NRXN3: variants seen among roughly 807,000 people sequenced by gnomAD.
NRXN3 encodes neurexin III.
In NRXN3, 32 loss-of-function variants were observed where a neutral mutation model predicts 137.6. The observed-to-expected ratio is 0.23, with a 90% CI of 0.18 to 0.31. NRXN3 has a LOEUF of 0.31. Among genes scored for constraint, NRXN3 ranks in the 10% least tolerant of loss-of-function variants. The probability of loss-of-function intolerance (pLI) is 1.00; values close to 1 mark genes in which losing one functional copy is unlikely to be tolerated. For missense variants in NRXN3, 1,574 were observed against 2,062.5 expected, an observed-to-expected ratio of 0.76 and a Z score of 4.59; for synonymous variants, 798 against 784.5, an observed-to-expected ratio of 1.02 and a Z score of -0.29.
intron 4 of NRXN3, among the ~76,000 whole-genome samples, chr14:78,617,768 T>C (rs2097360740): frequency 6.6e-6 from 1 of 152,094 alleles, no homozygotes; most frequent in South Asian, 2.1e-4. Flanking sequence ...TTTAAGCATC[T>C]GTGTTACAAA....
At chr14:79,359,880 G>C (rs1389905882) in intron 15 of NRXN3, among the ~76,000 whole-genome samples, 1 of 152,286 alleles carries the variant, frequency 6.6e-6, no homozygotes, top group Non-Finnish European at 1.5e-5. Flanking sequence ...CTTCCACAGA[G>C]CAGAACAATG....
intron 15 of NRXN3, among the ~76,000 whole-genome samples, chr14:79,306,744 G>A (rs566723790): frequency 6.6e-6 from 1 of 152,148 alleles, no homozygotes; most frequent in Non-Finnish European, 1.5e-5. Flanking sequence ...TCGGCAAATT[G>A]CAATCTCATC....
chr14:78,778,227 T>A (rs1273105858), intron 8 of NRXN3, among the ~76,000 whole-genome samples: 4 of 152,220 alleles, frequency 2.6e-5, no homozygotes, highest in Non-Finnish European at 5.9e-5. Context: ...TACTTTATAT[T>A]TTCAGCTATC....
intron 16 of NRXN3, among the ~76,000 whole-genome samples, chr14:79,525,159 G>T (rs1415710852): frequency 1.3e-5 from 2 of 152,070 alleles, no homozygotes; most frequent in African/African-American, 2.4e-5. Flanking sequence ...GGGAAGAATG[G>T]GACTGAGAAA....
intron 15 of NRXN3, among the ~76,000 whole-genome samples, chr14:79,094,979 A>AGAGTGTGTGTGT (rs553957969): frequency 0.013 from 1,537 of 115,910 alleles, 13 homozygotes; most frequent in Non-Finnish European, 0.017. Context: ...AGAGAGAGAG[A>AGAGTGTGTGTGT]GTGTGTGTGT....
At chr14:78,302,181 C>T (rs2076939474) in intron 4 of NRXN3, among the ~76,000 whole-genome samples, 1 of 152,056 alleles carries the variant, frequency 6.6e-6, no homozygotes, top group South Asian at 2.1e-4. Context: ...GTCTCTGTCT[C>T]CTTGTCTTTC....
intron 15 of NRXN3, among the ~76,000 whole-genome samples, chr14:79,120,207 T>C (rs1450383182): frequency 6.6e-6 from 1 of 152,126 alleles, no homozygotes; most frequent in Non-Finnish European, 1.5e-5. Flanking sequence ...CATACTTGTA[T>C]TTTGCAATAA....
In NRXN3 at chr14:79,434,563, G is replaced by A. The variant is rs1212880011; in HGVS notation, c.3263-32658G>A. On this transcript the variant is annotated intron_variant, in intron 15 of 20. Coordinates refer to ENST00000335750, the MANE Select transcript of NRXN3 (RefSeq NM_001330195.2). ...ACAAAAACTCATGTCAGTGGTGCAG[G>A]TACGATGGCGTATTCTCTTCATAAG... 3.3e-5 allele frequency among the ~76,000 whole-genome samples: 5 copies of A among 152,208 alleles called. No individual in the cohort carries two copies. The South Asian group carries it at 8.3e-4, about 25-fold the overall frequency.
intron 1 of NRXN3, among the ~76,000 whole-genome samples, chr14:78,176,311 T>A (rs2059261088): frequency 2.0e-5 from 3 of 152,120 alleles, no homozygotes; most frequent in Admixed American, 2.0e-4. Context: ...ATCATAGTAG[T>A]GGTAGTAATA....
intron 15 of NRXN3, among the ~76,000 whole-genome samples, chr14:79,375,532 A>T (rs2153442917): frequency 6.6e-6 from 1 of 152,162 alleles, no homozygotes; most frequent in East Asian, 1.9e-4. Context: ...CTCTTTCCGC[A>T]GCGGGACGTG....
intron 8 of NRXN3, among the ~76,000 whole-genome samples, chr14:78,783,408 A>C (rs997787973): frequency 6.6e-6 from 1 of 152,244 alleles, no homozygotes; most frequent in African/African-American, 2.4e-5. Flanking sequence ...ACTATTGTAG[A>C]CTGGAAGGGA....
chr14:78,558,359 C>A (rs1224199361), intron 4 of NRXN3, among the ~76,000 whole-genome samples: 1 of 152,168 alleles, frequency 6.6e-6, no homozygotes, highest in Non-Finnish European at 1.5e-5. Context: ...TCCATGTTAT[C>A]CAACAGTTCT....
chr14:79,361,331 A>T (rs2093672848), intron 15 of NRXN3, among the ~76,000 whole-genome samples: 1 of 152,176 alleles, frequency 6.6e-6, no homozygotes, highest in South Asian at 2.1e-4. Context: ...AAGTTTTATC[A>T]GAATTAGTTA....
chr14:78,528,250 G>A (rs1226204047), intron 4 of NRXN3, among the ~76,000 whole-genome samples: 1 of 152,176 alleles, frequency 6.6e-6, no homozygotes, highest in South Asian at 2.1e-4. Context: ...TCCTGGCCCA[G>A]CGGCAAAGGA....
intron 15 of NRXN3, among the ~76,000 whole-genome samples, chr14:79,086,481 G>A (rs1267058341): frequency 6.6e-6 from 1 of 152,118 alleles, no homozygotes; most frequent in African/African-American, 2.4e-5. Context: ...ATAGCATAGA[G>A]TAATATCCAA....
chr14:79,825,195 T>C (rs1032889117), intron 20 of NRXN3, among the ~76,000 whole-genome samples: 6 of 146,062 alleles, frequency 4.1e-5, no homozygotes, highest in Non-Finnish European at 7.4e-5. Flanking sequence ...GGTGAAATAA[T>C]TCTTTGTGTG....
intron 15 of NRXN3, among the ~76,000 whole-genome samples, chr14:79,296,577 C>T (rs1183238528): frequency 1.3e-5 from 2 of 151,926 alleles, no homozygotes; most frequent in Non-Finnish European, 2.9e-5. Context: ...TGAGTAATAA[C>T]TATAATTATA....
chr14:78,819,393 T>A (rs1395416204), intron 10 of NRXN3, among the ~76,000 whole-genome samples: 1 of 152,068 alleles, frequency 6.6e-6, no homozygotes, highest in Non-Finnish European at 1.5e-5. Flanking sequence ...CAAATAAAAA[T>A]ACATATAACA....
intron 2 of NRXN3, among the ~76,000 whole-genome samples, chr14:78,261,144 A>G (rs2070646231): frequency 6.6e-6 from 1 of 152,152 alleles, no homozygotes; most frequent in African/African-American, 2.4e-5. Context: ...CTCACCCCCT[A>G]TTCAATCTGG....
Sources: gnomAD v4.1 joint callset for allele counts (sites outside exome capture counted in the v4.1 genomes callset) on GRCh38, gnomAD v4.1.1 for gene constraint, MANE v1.5 for transcripts, NCBI Gene and HGNC (gene_info 2026-07-23, HGNC 2026-07-21) for gene names.